The following PRR5L variants were observed in gnomAD, a reference collection of about 807,000 sequenced individuals.
PRR5L encodes the protein proline rich 5 like.
In PRR5L, 21 loss-of-function variants were observed where a neutral mutation model predicts 36.4. The ratio of observed to expected loss-of-function variants is 0.58; its 90% CI spans 0.41 to 0.83. PRR5L has a LOEUF of 0.83. Among genes scored for constraint, PRR5L ranks in the 40% least tolerant of loss-of-function variants. The pLI is 0.00. For synonymous variants in PRR5L, 188 were observed against 197.0 expected (o/e 0.95, Z 0.38); for missense variants, 381 against 473.3 (o/e 0.80, Z 1.81).
intron 1 of PRR5L, among the ~76,000 whole-genome samples, chr11:36,338,394 A>G (rs375011762): frequency 1.3e-5 from 2 of 152,112 alleles, no homozygotes; most frequent in South Asian, 4.2e-4. Context: ...TGTTTCCATG[A>G]TTCTTTCCCG....
At chr11:36,330,992 G>A (rs981740696) in intron 1 of PRR5L, among the ~76,000 whole-genome samples, 2 of 152,114 alleles carry the variant, frequency 1.3e-5, no homozygotes, top group African/African-American at 4.8e-5. Flanking sequence ...TTTTAGTAGA[G>A]ATGGGGTTAC....
chr11:36,429,058 A>AT (rs1243175511), intron 4 of PRR5L, among the ~76,000 whole-genome samples: 3 of 152,064 alleles, frequency 2.0e-5, no homozygotes, highest in Admixed American at 1.3e-4. Context: ...TATAAAAAAG[A>AT]TTTTTTTTCC....
At position 36,354,507 on chromosome 11, in the gene PRR5L, T is replaced by G. The variant is rs10501150; in HGVS notation, c.-125-46490T>G. ...TTTACTAAGCCTGTTATTTCCTATA[T>G]GCACAGAAGCAGTGAGAGGAATGTG... On this transcript the variant is annotated intron_variant, in intron 1 of 8. Transcript: ENST00000530639. Among the ~76,000 whole-genome samples the G allele has an allele frequency of 3.3e-5, 5 of 152,114 alleles. No individual in the cohort carries two copies. In the East Asian group the frequency reaches 9.6e-4, roughly 29 times the overall value.
chr11:36,376,707 G>A (rs975111587), intron 1 of PRR5L: 3 of 988,548 alleles, frequency 3.0e-6, no homozygotes, highest in Non-Finnish European at 2.4e-6. Context: ...CCAAGGAGGT[G>A]AGTGGTGGGT....
At position 36,445,303 on chromosome 11, in the gene PRR5L, G is replaced by A. The variant is rs191080949; in HGVS notation, c.445-997G>A. On this transcript the variant is annotated intron_variant, in intron 6 of 8. Transcript: ENST00000530639. ...TTTGTATGTATGTGTGCAAAGGAGA[G>A]TCTGAAAAATTCACCCTCTTTTCTC... Among the ~76,000 whole-genome samples, 260 of 152,272 alleles carry A rather than the reference G, an allele frequency of 1.7e-3. 1 individual carries two copies. Among genetic ancestry groups the A allele is most frequent in the African/African-American group, 6.0e-3 (251 of 41,546 alleles).
intron 1 of PRR5L, chr11:36,321,482 G>C (rs955101493): frequency 6.6e-6 from 1 of 152,264 alleles, no homozygotes; most frequent in Non-Finnish European, 1.5e-5. Context: ...ATCCACTGCA[G>C]AAAGAAATTG....
chr11:36,345,578 G>C (rs968183761), intron 1 of PRR5L, among the ~76,000 whole-genome samples: 1 of 152,180 alleles, frequency 6.6e-6, no homozygotes, highest in Non-Finnish European at 1.5e-5. Context: ...ATCCCCAAAA[G>C]ATTAGAAACA....
At chr11:36,398,242 T>C (rs1184091358) in intron 1 of PRR5L, among the ~76,000 whole-genome samples, 1 of 152,204 alleles carries the variant, frequency 6.6e-6, no homozygotes, top group Non-Finnish European at 1.5e-5. Context: ...ACCTTGGATG[T>C]GTTTCTTTGC....
At chr11:36,414,175 C>G (rs1267368119) in intron 3 of PRR5L, among the ~76,000 whole-genome samples, 1 of 151,502 alleles carries the variant, frequency 6.6e-6, no homozygotes, top group Non-Finnish European at 1.5e-5. Flanking sequence ...AGTAAACATA[C>G]GTGTGCATGT....
chr11:36,315,197 A>G (rs1856543479), intron 1 of PRR5L, among the ~76,000 whole-genome samples: 1 of 152,212 alleles, frequency 6.6e-6, no homozygotes, highest in African/African-American at 2.4e-5. Context: ...GGGGATAGTA[A>G]TCATACTTAT....
intron 7 of PRR5L, among the ~76,000 whole-genome samples, chr11:36,449,163 G>A (rs1475413789): frequency 2.6e-5 from 4 of 152,234 alleles, no homozygotes; most frequent in African/African-American, 7.2e-5. Flanking sequence ...ATCTTTCCCC[G>A]GCCCAAGTCC....
chr11:36,462,341 GC>G lies in PRR5L; in HGVS notation c.714del (p.Arg239GlyfsTer10). 6.7e-7 allele frequency: 1 copy of G among 1,487,542 alleles called. No individual in the cohort carries two copies. Among genetic ancestry groups the G allele is most frequent in the Non-Finnish European group, 8.9e-7 (1 of 1,118,852 alleles). 92.1% of individuals were successfully genotyped at this position (1,487,542 alleles called of 1,614,324 possible). A position where few individuals can be genotyped will look rare whatever the true frequency, so the allele number is the denominator to read the frequency against. The part of the protein sequence containing the change: ...RSFSGPTYTL[A>X]RRHSRVRPKV... ...AGTCTTTGCTGATTTTTCTCTTGCAGCCAGGCGGCACTCCAGGGTCCGGCCC... is the reference window on the plus strand; with the variant it reads ...AGTCTTTGCTGATTTTTCTCTTGCAGCAGGCGGCACTCCAGGGTCCGGCCC... On this transcript the variant is annotated frameshift_variant and splice_region_variant, in exon 9 of 9. Transcript: ENST00000530639. LOFTEE classifies it high-confidence loss of function.
intron 1 of PRR5L, chr11:36,398,933 A>AG (rs1857729713): frequency 6.6e-6 from 1 of 152,264 alleles, no homozygotes; most frequent in South Asian, 2.1e-4. Context: ...ATCCTCATAA[A>AG]GGGAGTTAAT....
chr11:36,333,095 T>G (rs542437898), intron 1 of PRR5L, among the ~76,000 whole-genome samples: 10 of 152,342 alleles, frequency 6.6e-5, no homozygotes, highest in African/African-American at 2.4e-4. Context: ...CAATAGAATT[T>G]AGCTTTGGCT....
chr11:36,440,593 C>T (rs369647895), intron 6 of PRR5L, among the ~76,000 whole-genome samples: 4 of 152,066 alleles, frequency 2.6e-5, no homozygotes, highest in Admixed American at 2.0e-4. Context: ...GGGGGAGCAG[C>T]GCCAAAGAGG....
intron 1 of PRR5L, among the ~76,000 whole-genome samples, chr11:36,299,068 CACA>C (rs558474192): frequency 9.1e-4 from 138 of 152,310 alleles, no homozygotes; most frequent in Non-Finnish European, 1.7e-3. Flanking sequence ...TAGTTGAGGC[CACA>C]ACAAGTGCTG....
chr11:36,352,033 T>C (rs955561888), intron 1 of PRR5L, among the ~76,000 whole-genome samples: 3 of 151,974 alleles, frequency 2.0e-5, no homozygotes, highest in Admixed American at 6.6e-5. Flanking sequence ...CTAGTTTACA[T>C]TCCCACTAGC....
At chr11:36,448,045 G>A (rs983475285) in intron 7 of PRR5L, among the ~76,000 whole-genome samples, 6 of 152,128 alleles carry the variant, frequency 3.9e-5, no homozygotes, top group African/African-American at 1.2e-4. Flanking sequence ...TTTGGGCGGT[G>A]GCGGTTTGTT....
chr11:36,375,855 A>G (rs562932619), intron 1 of PRR5L: 2 of 189,158 alleles, frequency 1.1e-5, no homozygotes, highest in South Asian at 8.4e-5. Context: ...AACAAGGGAA[A>G]GATTTCACTT....
Sources: gnomAD v4.1 joint callset for allele counts (sites outside exome capture counted in the v4.1 genomes callset) on GRCh38, gnomAD v4.1.1 for gene constraint, MANE v1.5 for transcripts, NCBI Gene and HGNC (gene_info 2026-07-23, HGNC 2026-07-21) for gene names.